The following LRRC9 variants were observed in gnomAD, a reference collection of about 807,000 sequenced individuals.
LRRC9 encodes the protein leucine-rich repeat-containing protein 9.
Under a neutral mutation model 63.2 loss-of-function variants are expected in LRRC9, and 122 were observed. The ratio of observed to expected loss-of-function variants is 1.93; its 90% CI spans 1.67 to 2.24. The LOEUF is 2.24. LRRC9 is among the 30% of genes most tolerant of loss of function. The pLI is 0.00. For synonymous variants in LRRC9, 366 were observed against 213.1 expected, an observed-to-expected ratio of 1.72 and a Z score of -6.25; for missense variants, 1,071 against 627.7, an observed-to-expected ratio of 1.71 and a Z score of -7.55.
intron 31 of LRRC9, among the ~76,000 whole-genome samples, chr14:60,059,703 G>A: frequency 6.6e-6 from 1 of 152,180 alleles, no homozygotes; most frequent in East Asian, 1.9e-4. Flanking sequence ...GGCTGAAAGT[G>A]GTGAGAAAGC....
intron 17 of LRRC9, among the ~76,000 whole-genome samples, chr14:59,995,218 G>A (rs1026867975): frequency 3.9e-5 from 6 of 152,150 alleles, no homozygotes; most frequent in African/African-American, 1.4e-4. Flanking sequence ...AATGTAATAA[G>A]CTGCATGTCT....
intron 29 of LRRC9, among the ~76,000 whole-genome samples, chr14:60,039,729 A>C (rs956673980): frequency 6.6e-6 from 1 of 151,594 alleles, no homozygotes; most frequent in African/African-American, 2.4e-5. Context: ...GGATTCATTG[A>C]TTTTTTTGAA....
At chr14:60,002,356 C>G (rs1396734057) in intron 20 of LRRC9, among the ~76,000 whole-genome samples, 1 of 152,136 alleles carries the variant, frequency 6.6e-6, no homozygotes, top group African/African-American at 2.4e-5. Context: ...ACATTAGGGT[C>G]TCTAGAAAGT....
intron 23 of LRRC9, among the ~76,000 whole-genome samples, chr14:60,009,572 T>C (rs1045575540): frequency 6.6e-6 from 1 of 152,274 alleles, no homozygotes; most frequent in African/African-American, 2.4e-5. Flanking sequence ...CCAAACCATA[T>C]CATTCCAACC....
At chr14:59,937,195 TAAAAAA>T (rs755193026) in intron 6 of LRRC9, among the ~76,000 whole-genome samples, 9 of 89,484 alleles carry the variant, frequency 1.0e-4, no homozygotes, top group Admixed American at 3.9e-4. Flanking sequence ...ATGTTTTCTG[TAAAAAA>T]AAAAAAAAAA....
rs142680187 is a variant in LRRC9, at chr14:59,978,750, G to A, written c.1878+618G>A. On this transcript the variant is annotated intron_variant, in intron 15 of 31. Coordinates refer to ENST00000445360, the Ensembl canonical transcript of LRRC9. ...TATTTCAGTGAACATCATTGTAGAT[G>A]TATCTTTATACAAATATGGAAGTTT... 3.5e-3 allele frequency among the ~76,000 whole-genome samples: 540 copies of A among 152,208 alleles called. 1 individual carries two copies. Among genetic ancestry groups the A allele is most frequent in the Non-Finnish European group, 5.3e-3 (361 of 68,008 alleles).
chr14:60,001,770 C>T (rs1889385408), intron 19 of LRRC9, among the ~76,000 whole-genome samples, 196 bp from the exon 20 acceptor site: 1 of 151,890 alleles, frequency 6.6e-6, no homozygotes, highest in Admixed American at 6.6e-5. Flanking sequence ...GTAATGGTTC[C>T]ACATTTGCTA....
At chr14:59,955,590 C>A (rs1883652947) in intron 8 of LRRC9, among the ~76,000 whole-genome samples, 1 of 151,988 alleles carries the variant, frequency 6.6e-6, no homozygotes, top group Non-Finnish European at 1.5e-5. Flanking sequence ...TTCAAAAAAC[C>A]AGCTCTGGGA....
chr14:59,977,820 A>G (rs987356727), intron 14 of LRRC9, among the ~76,000 whole-genome samples, 197 bp from the exon 15 acceptor site: 1 of 152,112 alleles, frequency 6.6e-6, no homozygotes, highest in African/African-American at 2.4e-5. Flanking sequence ...GGAAAGGATG[A>G]AAGAAAAAAT....
chr14:59,975,114 T>TATAC lies in LRRC9; in HGVS notation c.1639+409_1639+410insCATA, dbSNP rs1491186293. Among the ~76,000 whole-genome samples the TATAC allele has an allele frequency of 9.7e-4, 12 of 12,428 alleles. 1 individual carries two copies. Among genetic ancestry groups the TATAC allele is most frequent in the African/African-American group, 1.7e-3 (12 of 7,060 alleles). 8.2% of individuals were successfully genotyped at this position (12,428 alleles called of 152,430 possible). ...GTATATATATATACATATATATATG[T>TATAC]ATATATATATATGTATATATATATA... On this transcript the variant is annotated intron_variant, in intron 13 of 31. Transcript: ENST00000445360.
intron 29 of LRRC9, among the ~76,000 whole-genome samples, chr14:60,036,728 CT>C (rs34137343): frequency 0.94 from 139,861 of 148,154 alleles, 66,124 homozygotes; most frequent in Middle Eastern, 0.99. Context: ...CTCTTTGCCT[CT>C]TTTTTTTTTT....
Position 59,964,405 on chromosome 14 carries a change from T to G in LRRC9, c.1212-2184T>G, listed in dbSNP as rs1174355526. ...GTTCTGTTTCCTTCACCCAGAATGC[T>G]TTTGCATACCTCACACTTACTTCAT... is the stretch of plus-strand genomic sequence containing the variant. On this transcript the variant is annotated intron_variant, in intron 10 of 31. Transcript: ENST00000445360. The surrounding 1 kb of genome is among the most constrained non-coding windows in gnomAD (Gnocchi z 4.4). 2.0e-5 allele frequency among the ~76,000 whole-genome samples: 3 copies of G among 152,180 alleles called. No individual in the cohort carries two copies. Among genetic ancestry groups the G allele is most frequent in the Non-Finnish European group, 4.4e-5 (3 of 68,016 alleles).
At chr14:59,960,548 C>T (rs1343586068) in intron 9 of LRRC9, among the ~76,000 whole-genome samples, 4 of 152,114 alleles carry the variant, frequency 2.6e-5, no homozygotes, top group Non-Finnish European at 5.9e-5. Flanking sequence ...AAGATCTGTA[C>T]ATGTATTTTG....
exon 16 of LRRC9, chr14:59,982,002 G>C: frequency 1.4e-6 from 1 of 702,586 alleles, no homozygotes; most frequent in East Asian, 2.7e-5. Context: ...AAACTGATTA[G>C]TTTGGATGAT....
chr14:60,015,098 C>T (rs537982903), intron 23 of LRRC9, among the ~76,000 whole-genome samples: 1 of 152,174 alleles, frequency 6.6e-6, no homozygotes, highest in Non-Finnish European at 1.5e-5. Context: ...TATTTGTTTA[C>T]AGTATTTTTC....
At chr14:60,007,733 C>G (rs1889928593) in intron 22 of LRRC9, among the ~76,000 whole-genome samples, 1 of 151,972 alleles carries the variant, frequency 6.6e-6, no homozygotes. Context: ...CATTGAAATA[C>G]TGCACAAAAT....
In LRRC9 at chr14:60,060,760, A is replaced by T. The variant is rs1018765123; in HGVS notation, c.4277-2563A>T. 4.6e-5 allele frequency among the ~76,000 whole-genome samples: 7 copies of T among 151,984 alleles called. No individual in the cohort carries two copies. The highest frequency in any genetic ancestry group is 1.7e-4 in the African/African-American group (7 of 41,392). On this transcript the variant is annotated intron_variant, in intron 31 of 31. Coordinates refer to ENST00000445360, the Ensembl canonical transcript of LRRC9. This position sits in a 1 kb window ranked among gnomAD's most constrained non-coding sequence, Gnocchi z 4.0. ...CATCTCAAAAAATAAAATAAAATAAAATTAGTGATTCCTCTGAGGGATATG... is the reference window on the plus strand; with the variant it reads ...CATCTCAAAAAATAAAATAAAATAATATTAGTGATTCCTCTGAGGGATATG...
chr14:59,972,915 T>C (rs928393131), intron 12 of LRRC9, among the ~76,000 whole-genome samples: 4 of 152,114 alleles, frequency 2.6e-5, no homozygotes, highest in African/African-American at 9.7e-5. Flanking sequence ...TAAGTGTTAG[T>C]TAAGTGGTGA....
In LRRC9 at chr14:60,027,364, G is replaced by A. The variant is rs1444555937; in HGVS notation, c.3704-520G>A. Among the ~76,000 whole-genome samples the A allele has an allele frequency of 3.9e-5, 6 of 151,932 alleles. No individual in the cohort carries two copies. The East Asian group carries it at 1.2e-3, about 29-fold the overall frequency. On this transcript the variant is annotated intron_variant, in intron 27 of 31. Transcript: ENST00000445360. The surrounding 1 kb of genome is among the most constrained non-coding windows in gnomAD (Gnocchi z 4.0). The stretch of plus-strand genomic sequence containing the variant: ...AGAGAAATCATAGGTTTATAAATAA[G>A]GTTTAGAGTTTTGAAGAATTAAATG...
Sources: gnomAD v4.1 joint callset for allele counts (sites outside exome capture counted in the v4.1 genomes callset) on GRCh38, gnomAD v4.1.1 for gene constraint, Gnocchi (gnomAD v3.1) non-coding constraint, MANE v1.5 for transcripts, NCBI Gene and HGNC (gene_info 2026-07-23, HGNC 2026-07-21) for gene names.